The following NCOA3 variants were observed in gnomAD, a reference collection of about 807,000 sequenced individuals.
The protein encoded by NCOA3 is CBP-interacting protein.
In NCOA3, 51 loss-of-function variants were observed where a neutral mutation model predicts 158.8. That is an observed-to-expected ratio of 0.32 (90% CI 0.26 to 0.41). NCOA3 has a LOEUF of 0.41. NCOA3 is among the 10% of genes least tolerant of loss of function. NCOA3 has a pLI of 1.00. For missense variants in NCOA3, 1,510 were observed against 1,746.6 expected (o/e 0.86, Z 2.41); for synonymous variants, 537 against 592.4 (o/e 0.91, Z 1.36).
chr20:47,514,490 C>T (rs549387493), intron 1 of NCOA3, among the ~76,000 whole-genome samples: 6 of 152,092 alleles, frequency 3.9e-5, no homozygotes, highest in Non-Finnish European at 8.8e-5. Context: ...CAGGTTCAAG[C>T]GATTCTCATG....
chr20:47,555,872 G>C (rs969283796), intron 1 of NCOA3, among the ~76,000 whole-genome samples: 19 of 150,300 alleles, frequency 1.3e-4, no homozygotes, highest in Non-Finnish European at 2.1e-4. Context: ...TCGATCTCCT[G>C]ACCTCATGAT....
chr20:47,640,883 G>T (rs183543071), intron 16 of NCOA3, among the ~76,000 whole-genome samples: 1 of 149,488 alleles, frequency 6.7e-6, no homozygotes, highest in Admixed American at 6.7e-5. Flanking sequence ...GTGAGACTCC[G>T]TCTCTAAAAA....
intron 8 of NCOA3, among the ~76,000 whole-genome samples, chr20:47,633,273 A>G (rs1481885490): frequency 6.6e-6 from 1 of 152,188 alleles, no homozygotes; most frequent in Non-Finnish European, 1.5e-5. Context: ...TCTGACAAAG[A>G]CCAAATGTAT....
chr20:47,634,016 A>G (rs1233993094), intron 9 of NCOA3, 32 bp from the exon 10 acceptor site: 2 of 1,612,898 alleles, frequency 1.2e-6, no homozygotes, highest in South Asian at 1.1e-5. Flanking sequence ...TGCTGACTGT[A>G]GTTACCAGTG....
At chr20:47,632,792 C>T (rs1435972768) in intron 8 of NCOA3, among the ~76,000 whole-genome samples, 2 of 151,892 alleles carry the variant, frequency 1.3e-5, no homozygotes, top group East Asian at 3.9e-4. Flanking sequence ...CAGCGATTCT[C>T]CTGCCTCACC....
intron 1 of NCOA3, among the ~76,000 whole-genome samples, chr20:47,512,586 A>C (rs1306306386): frequency 6.6e-6 from 1 of 151,108 alleles, no homozygotes; most frequent in East Asian, 1.9e-4. Context: ...AAAAAAAAAA[A>C]AAACACAAAA....
chr20:47,635,667 T>A lies in NCOA3; in HGVS notation c.1458T>A (p.Asn486Lys). The A allele has an allele frequency of 6.2e-7, 1 of 1,614,188 alleles. No homozygotes were observed. Among genetic ancestry groups the A allele is most frequent in the Non-Finnish European group, 8.5e-7 (1 of 1,180,028 alleles). The change falls in exon 11 of 23, where the codon AAT becomes AAA. Residue 486 changes from asparagine to lysine, a missense_variant. Asn to Lys is a moderately conservative substitution (Grantham distance 94, BLOSUM62 0). This residue lies in a region of NCOA3 where 1,017 missense variants were observed against 1,098.3 expected (regional missense o/e 0.93). Coordinates refer to ENST00000371998, the MANE Select transcript of NCOA3 (RefSeq NM_181659.3). ...NQQNIMISPRNRGSPKIASHQ... is the reference protein window; with the variant it reads ...NQQNIMISPRKRGSPKIASHQ... Reference sequence around the variant, plus strand: ...AGAATATCATGATTTCTCCTCGTAATCGTGGGAGTCCAAAGATAGCCTCAC... The same window carrying A: ...AGAATATCATGATTTCTCCTCGTAAACGTGGGAGTCCAAAGATAGCCTCAC...
chr20:47,522,919 G>T (rs1169064604), intron 1 of NCOA3, among the ~76,000 whole-genome samples: 1 of 151,488 alleles, frequency 6.6e-6, no homozygotes, highest in Non-Finnish European at 1.5e-5. Context: ...AGCCCGGCGC[G>T]GTGGCTCACC....
At chr20:47,640,491 C>A (rs1223367015) in intron 16 of NCOA3, among the ~76,000 whole-genome samples, 3 of 152,094 alleles carry the variant, frequency 2.0e-5, no homozygotes. Context: ...TGAGAAAATT[C>A]TTTTAAGGAT....
chr20:47,613,599 G>T (rs1024410539), intron 2 of NCOA3, among the ~76,000 whole-genome samples: 8 of 151,874 alleles, frequency 5.3e-5, no homozygotes, highest in Non-Finnish European at 1.2e-4. Flanking sequence ...CTCTGACAGA[G>T]GATGAGGAAG....
chr20:47,624,148 G>A (rs1439849562), intron 4 of NCOA3, 65 bp downstream of exon 4: 1 of 1,450,118 alleles, frequency 6.9e-7, no homozygotes, highest in Non-Finnish European at 9.3e-7. Context: ...ACCAGGGACT[G>A]GTTTTGTGGA....
intron 1 of NCOA3, among the ~76,000 whole-genome samples, chr20:47,520,619 C>T (rs1224008112): frequency 6.6e-6 from 1 of 152,206 alleles, no homozygotes; most frequent in Non-Finnish European, 1.5e-5. Context: ...GATGTCTTGC[C>T]TTGCCTGCCC....
At position 47,515,454 on chromosome 20, in the gene NCOA3, C is replaced by T. The variant is rs538621125; in HGVS notation, c.-99+13435C>T. ...AAATACAGGCATGAGCCACCACACC[C>T]GAGCTTTTTCTTTCTTTCTTTTTTT... On this transcript the variant is annotated intron_variant, in intron 1 of 22. Coordinates refer to ENST00000371998, the MANE Select transcript of NCOA3 (RefSeq NM_181659.3). Among the ~76,000 whole-genome samples, 42 of 150,554 alleles carry T rather than the reference C, an allele frequency of 2.8e-4. No individual in the cohort carries two copies. The South Asian group carries it at 5.4e-3, about 19-fold the overall frequency.
At chr20:47,532,110 T>TTG (rs11474538) in intron 1 of NCOA3, among the ~76,000 whole-genome samples, 15,162 of 147,298 alleles carry the variant, frequency 0.1, 798 homozygotes, top group Non-Finnish European at 0.12. Context: ...AGGGGGGGAC[T>TTG]TGTGTGTGTG....
At chr20:47,600,594 C>A (rs1020093306) in intron 2 of NCOA3, among the ~76,000 whole-genome samples, 3 of 149,562 alleles carry the variant, frequency 2.0e-5, no homozygotes, top group Admixed American at 2.0e-4. Flanking sequence ...TCTCGGCTCA[C>A]TTCAGCCTCC....
Position 47,511,524 on chromosome 20 carries a change from G to GATATATATATAT in NCOA3, c.-99+9526_-99+9537dup, listed in dbSNP as rs34123990. On this transcript the variant is annotated intron_variant, in intron 1 of 22. Transcript: ENST00000371998. ...TAGCTGAGATATGTATCTCTCTCGA[G>GATATATATATAT]ATATATATATATATATATATATATA... Among the ~76,000 whole-genome samples the GATATATATATAT allele has an allele frequency of 3.1e-3, 69 of 22,002 alleles. 1 individual carries two copies. Among genetic ancestry groups the GATATATATATAT allele is most frequent in the African/African-American group, 5.7e-3 (63 of 11,022 alleles). 14.4% of individuals were successfully genotyped at this position (22,002 alleles called of 152,430 possible).
At chr20:47,609,353 A>G (rs931798912) in intron 2 of NCOA3, among the ~76,000 whole-genome samples, 4 of 152,172 alleles carry the variant, frequency 2.6e-5, no homozygotes, top group African/African-American at 9.7e-5. Flanking sequence ...TAACCAGTTT[A>G]GGTGTATGGA....
At position 47,555,246 on chromosome 20, in the gene NCOA3, C is replaced by T. The variant is rs2084984851; in HGVS notation, c.-98-27937C>T. On this transcript the variant is annotated intron_variant, in intron 1 of 22. Coordinates refer to ENST00000371998, the MANE Select transcript of NCOA3 (RefSeq NM_181659.3). ...ATATTTATGAAGCCAAGTATATTAT[C>T]TGATGCTATATTTGCTAATTTATTT... is the stretch of plus-strand genomic sequence containing the variant. Among the ~76,000 whole-genome samples the T allele has an allele frequency of 4.6e-5, 7 of 152,164 alleles. No individual in the cohort carries two copies. In the South Asian group the frequency reaches 1.5e-3, roughly 32 times the overall value.
At chr20:47,590,947 A>G (rs1184584606) in intron 2 of NCOA3, among the ~76,000 whole-genome samples, 1 of 152,112 alleles carries the variant, frequency 6.6e-6, no homozygotes, top group Non-Finnish European at 1.5e-5. Flanking sequence ...TCTCTCTACT[A>G]AAAACGTAAA....
Sources: gnomAD v4.1 joint callset for allele counts (sites outside exome capture counted in the v4.1 genomes callset) on GRCh38, gnomAD v4.1.1 for gene constraint, gnomAD v4.1.1 regional missense constraint, MANE v1.5 for transcripts, NCBI Gene and HGNC (gene_info 2026-07-23, HGNC 2026-07-21) for gene names.